Variants in MIPOL1 observed in about 807,000 individuals in gnomAD.
MIPOL1 encodes mirror-image polydactyly 1.
MIPOL1 carries 57 observed loss-of-function variants against 60.9 expected under a neutral mutation model. The ratio of observed to expected loss-of-function variants is 0.94; its 90% CI spans 0.76 to 1.17. MIPOL1 has a LOEUF of 1.17. Ranked by LOEUF, MIPOL1 falls within the 50% of genes most tolerant of loss-of-function variation. The probability of loss-of-function intolerance (pLI) is 0.00; values close to 1 mark genes in which losing one functional copy is unlikely to be tolerated. For missense variants in MIPOL1, 551 were observed against 511.6 expected (o/e 1.08, Z -0.74); for synonymous variants, 179 against 168.8 (o/e 1.06, Z -0.47).
chr14:37,229,329 A>T (rs542082767), intron 1 of MIPOL1, among the ~76,000 whole-genome samples: 1 of 152,150 alleles, frequency 6.6e-6, no homozygotes, highest in Middle Eastern at 3.4e-3. Context: ...TATTTTTTGT[A>T]GAGACGAGAT....
intron 10 of MIPOL1, among the ~76,000 whole-genome samples, chr14:37,403,487 T>A (rs1715632745): frequency 7.3e-6 from 1 of 136,302 alleles, no homozygotes. Flanking sequence ...TCTTGCAGAG[T>A]CTGGTTTTGA....
chr14:37,226,950 C>A (rs1421147273), intron 1 of MIPOL1, among the ~76,000 whole-genome samples: 1 of 152,134 alleles, frequency 6.6e-6, no homozygotes, highest in African/African-American at 2.4e-5. Flanking sequence ...CCAGTTAATT[C>A]TTGACTGTGA....
At position 37,283,361 on chromosome 14, in the gene MIPOL1, C is replaced by T. The variant is rs548774629; in HGVS notation, c.494-1957C>T. Reference sequence around the variant, plus strand: ...GGATTACAGGTGTGAGCCACCACGCCTGGCGCCTCATGCTGTTTTGAAAGA... The same window carrying T: ...GGATTACAGGTGTGAGCCACCACGCTTGGCGCCTCATGCTGTTTTGAAAGA... On this transcript the variant is annotated intron_variant, in intron 6 of 12. Coordinates refer to ENST00000684589, the MANE Select transcript of MIPOL1 (RefSeq NM_001388067.1). Among the ~76,000 whole-genome samples the T allele has an allele frequency of 1.1e-4, 17 of 152,216 alleles. No individual in the cohort carries two copies. The East Asian group carries it at 3.3e-3, about 29-fold the overall frequency.
In MIPOL1 at chr14:37,211,862, C is replaced by G. The variant is rs183693711; in HGVS notation, c.-199+13758C>G. Among the ~76,000 whole-genome samples, 24 of 151,916 alleles carry G rather than the reference C, an allele frequency of 1.6e-4. No individual in the cohort carries two copies. In the East Asian group the frequency reaches 4.1e-3, roughly 26 times the overall value. On this transcript the variant is annotated intron_variant, in intron 1 of 12. Coordinates refer to ENST00000684589, the MANE Select transcript of MIPOL1 (RefSeq NM_001388067.1). ...GACGAGTGGGGAGGACTTTATCTTGCATCGAGGATATCAGCTCAGCCACAG... is the reference window on the plus strand; with the variant it reads ...GACGAGTGGGGAGGACTTTATCTTGGATCGAGGATATCAGCTCAGCCACAG...
At chr14:37,525,543 C>G (rs1198736480) in intron 12 of MIPOL1, among the ~76,000 whole-genome samples, 1 of 152,122 alleles carries the variant, frequency 6.6e-6, no homozygotes, top group Non-Finnish European at 1.5e-5. Context: ...AGGAATAACA[C>G]AGAACCTAAT....
intron 10 of MIPOL1, among the ~76,000 whole-genome samples, chr14:37,391,596 A>T (rs557652076): frequency 2.6e-4 from 39 of 152,038 alleles, no homozygotes; most frequent in Non-Finnish European, 1.8e-4. Flanking sequence ...GGGTTTCAGC[A>T]TGTTGGCCAG....
chr14:37,269,382 C>T (rs1287923377), intron 5 of MIPOL1, among the ~76,000 whole-genome samples: 1 of 151,268 alleles, frequency 6.6e-6, no homozygotes, highest in Non-Finnish European at 1.5e-5. Context: ...TTTTCTGTGT[C>T]TTCTTTTTTT....
At chr14:37,208,279 C>T (rs1158589321) in intron 1 of MIPOL1, among the ~76,000 whole-genome samples, 5 of 151,994 alleles carry the variant, frequency 3.3e-5, no homozygotes, top group Non-Finnish European at 7.4e-5. Context: ...CAAGAAGAAT[C>T]GTTTTACTGG....
At chr14:37,292,490 T>TTTTTTTTTTTTA (rs3061931) in intron 7 of MIPOL1, among the ~76,000 whole-genome samples, 1 of 96,770 alleles carries the variant, frequency 1.0e-5, no homozygotes, top group Non-Finnish European at 2.4e-5. Context: ...TTTTTTTTTT[T>TTTTTTTTTTTTA]GAGAAGGAGT....
At chr14:37,243,616 T>C (rs1320354466) in intron 1 of MIPOL1, among the ~76,000 whole-genome samples, 1 of 152,162 alleles carries the variant, frequency 6.6e-6, no homozygotes, top group Non-Finnish European at 1.5e-5. Flanking sequence ...GTGATTAAGC[T>C]AAGAAAATAT....
intron 12 of MIPOL1, chr14:37,545,591 T>G (rs1470805366): frequency 1.7e-6 from 1 of 587,096 alleles, no homozygotes; most frequent in Non-Finnish European, 3.0e-6. Context: ...TCTAAGATCA[T>G]TACTGTGTTC....
intron 11 of MIPOL1, among the ~76,000 whole-genome samples, chr14:37,428,812 T>C (rs565371633): frequency 6.6e-6 from 1 of 152,186 alleles, no homozygotes; most frequent in Non-Finnish European, 1.5e-5. Flanking sequence ...TTAGAATATT[T>C]TGAGTGCTAA....
intron 6 of MIPOL1, among the ~76,000 whole-genome samples, chr14:37,271,995 T>G (rs970050988): frequency 1.3e-5 from 2 of 151,634 alleles, no homozygotes; most frequent in African/African-American, 4.8e-5. Flanking sequence ...ACATATTTAT[T>G]TATTGGTATA....
At chr14:37,230,128 A>G (rs577572716) in intron 1 of MIPOL1, among the ~76,000 whole-genome samples, 1 of 152,354 alleles carries the variant, frequency 6.6e-6, no homozygotes, top group African/African-American at 2.4e-5. Flanking sequence ...TGATGCACCC[A>G]TTCCACAATG....
intron 9 of MIPOL1, among the ~76,000 whole-genome samples, chr14:37,362,246 A>G (rs572993409): frequency 2.4e-4 from 37 of 152,250 alleles, no homozygotes; most frequent in African/African-American, 8.2e-4. Context: ...AGTGGCTAGT[A>G]CTGGTTGTTC....
At chr14:37,395,834 C>A (rs1411149821) in intron 10 of MIPOL1, among the ~76,000 whole-genome samples, 1 of 152,106 alleles carries the variant, frequency 6.6e-6, no homozygotes, top group Non-Finnish European at 1.5e-5. Flanking sequence ...AGAATAGCTA[C>A]CCCTGCTCAC....
intron 11 of MIPOL1, among the ~76,000 whole-genome samples, chr14:37,486,780 A>G (rs1594659338): frequency 6.6e-6 from 1 of 152,170 alleles, no homozygotes; most frequent in East Asian, 1.9e-4. Context: ...CAAACAGACA[A>G]TTTGACTTCC....
intron 1 of MIPOL1, among the ~76,000 whole-genome samples, chr14:37,206,646 T>A (rs563998499): frequency 3.3e-5 from 5 of 152,154 alleles, no homozygotes; most frequent in Admixed American, 3.3e-4. Context: ...CACTCAACAC[T>A]GATACGTGAA....
chr14:37,234,139 A>G (rs1971059481), intron 1 of MIPOL1, among the ~76,000 whole-genome samples: 1 of 152,168 alleles, frequency 6.6e-6, no homozygotes, highest in Admixed American at 6.5e-5. Context: ...TCGGGTAGAA[A>G]GTTTGCTCAG....
Sources: gnomAD v4.1 joint callset for allele counts (sites outside exome capture counted in the v4.1 genomes callset) on GRCh38, gnomAD v4.1.1 for gene constraint, MANE v1.5 for transcripts, NCBI Gene and HGNC (gene_info 2026-07-23, HGNC 2026-07-21) for gene names.